GON4L: variants seen among roughly 807,000 people sequenced by gnomAD.
GON4L encodes the protein GON-4-like protein.
GON4L carries 87 observed loss-of-function variants against 211.8 expected under a neutral mutation model. That is an observed-to-expected ratio of 0.41 (90% confidence interval 0.35 to 0.49). GON4L has a LOEUF of 0.49. Ranked by LOEUF, GON4L falls within the 20% of genes least tolerant of loss-of-function variation. The pLI, the probability that GON4L is intolerant of heterozygous loss-of-function variation, is 0.15. For synonymous variants in GON4L, 875 were observed against 962.6 expected, an observed-to-expected ratio of 0.91 and a Z score of 1.68; for missense variants, 2,155 against 2,659.5, an observed-to-expected ratio of 0.81 and a Z score of 4.17.
At chr1:155,824,530 G>C (rs1669011414) in intron 3 of GON4L, among the ~76,000 whole-genome samples, 1 of 148,592 alleles carries the variant, frequency 6.7e-6, no homozygotes, top group Non-Finnish European at 1.5e-5. Context: ...GGATCATGAG[G>C]TCAGGACTTC....
At position 155,766,704 on chromosome 1, in the gene GON4L, A is replaced by G; in HGVS notation, c.2769T>C (p.Ser923=). The change falls in exon 21 of 32, where the codon AGT becomes AGC. Residue 923 remains serine, a synonymous_variant. Coordinates refer to ENST00000368331, the MANE Select transcript of GON4L (RefSeq NM_001282860.2). The part of the protein sequence containing the change: ...EHRLPFWLKA[S]LPSIQEELRH... ...GCAGTTCTTCCTGGATGGATGGCAG[A>G]CTGGCCTATTGGAAACAAGAACACT... The G allele has an allele frequency of 6.2e-7, 1 of 1,614,132 alleles. No homozygotes were observed. The highest frequency in any genetic ancestry group is 2.2e-5 in the East Asian group (1 of 44,882).
chr1:155,805,268 T>A, intron 10 of GON4L, 127 bp from the exon 11 acceptor site: 1 of 697,268 alleles, frequency 1.4e-6, no homozygotes, highest in Non-Finnish European at 2.6e-6. Context: ...TTATTATTGT[T>A]TGAGAAACTT....
intron 13 of GON4L, chr1:155,784,358 CTTTTTTTTTTTTTTTTTTTTTTTTTT>C (rs869034483): frequency 1.2e-4 from 13 of 104,096 alleles, no homozygotes; most frequent in Middle Eastern, 4.2e-3. Flanking sequence ...TCTCTCTCTC[CTTTTTTTTTTTTTTTTTTTTTTTTTT>C]TTTTTTTTTT....
At chr1:155,794,132 C>T (rs943933631) in intron 12 of GON4L, among the ~76,000 whole-genome samples, 2 of 151,856 alleles carry the variant, frequency 1.3e-5, no homozygotes, top group East Asian at 1.9e-4. Context: ...AGTGCATTGG[C>T]GTGATCTCGG....
At chr1:155,747,912 A>T (rs1391716723), downstream of GON4L, 1 of 1,561,764 alleles carries the variant, frequency 6.4e-7, no homozygotes, top group East Asian at 2.2e-5. Flanking sequence ...TGGAACTTGG[A>T]GGAGTAAACA....
chr1:155,756,456 A>C (rs1661191902), intron 27 of GON4L: 1 of 153,288 alleles, frequency 6.5e-6, no homozygotes. Context: ...GTTTTCCCAA[A>C]GGCTCTGCAT....
chr1:155,748,347 C>A, downstream of GON4L: 1 of 1,530,330 alleles, frequency 6.5e-7, no homozygotes, highest in Non-Finnish European at 9.0e-7. Flanking sequence ...TCTGCCTCCA[C>A]ACATTCTTTT....
intron 12 of GON4L, 51 bp downstream of exon 12, chr1:155,794,999 A>G: frequency 9.8e-7 from 1 of 1,021,296 alleles, no homozygotes; most frequent in Non-Finnish European, 1.6e-6. Flanking sequence ...AAGTAAACAA[A>G]GACAGCTGCA....
intron 14 of GON4L, among the ~76,000 whole-genome samples, chr1:155,778,086 T>A (rs1366050343): frequency 6.6e-6 from 1 of 152,086 alleles, no homozygotes; most frequent in Non-Finnish European, 1.5e-5. Flanking sequence ...AAAGAAAAAA[T>A]TAAAATGCTA....
At position 155,757,044 on chromosome 1, in the gene GON4L, C is replaced by T; in HGVS notation, c.5431G>A (p.Val1811Met). 6.2e-7 allele frequency: 1 copy of T among 1,613,908 alleles called. No homozygotes were observed. Among genetic ancestry groups the T allele is most frequent in the Non-Finnish European group, 8.5e-7 (1 of 1,179,816 alleles). ...TTGGGAGGCTCCTCCTCTTCTTCCA[C>T]ATCAGGCAGGGCCACTTCTTCAAAG... The part of the protein sequence containing the change: ...DGFEEVALPD[V>M]EEEEEPPKIP... The change falls in exon 27 of 32, where the codon GTG (valine) becomes ATG (methionine). Residue 1811 changes from valine (V) to methionine (M), a missense_variant. Transcript: ENST00000368331.
At chr1:155,852,200 C>A (rs1294792047) in intron 2 of GON4L, among the ~76,000 whole-genome samples, 2 of 151,674 alleles carry the variant, frequency 1.3e-5, no homozygotes, top group Non-Finnish European at 2.9e-5. Context: ...CATCTCCCAC[C>A]ACCTGTTCCA....
intron 14 of GON4L, among the ~76,000 whole-genome samples, chr1:155,781,468 A>G (rs1034903036): frequency 1.4e-4 from 21 of 150,660 alleles, no homozygotes; most frequent in African/African-American, 4.9e-4. Context: ...TATTATTATT[A>G]TTATTATTTT....
At chr1:155,803,793 G>A (rs1666902743) in intron 11 of GON4L, among the ~76,000 whole-genome samples, 1 of 152,176 alleles carries the variant, frequency 6.6e-6, no homozygotes, top group Admixed American at 6.6e-5. Context: ...GCAGGGGAGA[G>A]TCCTGAAGTG....
chr1:155,751,542 C>T (rs1660585648), intron 31 of GON4L, among the ~76,000 whole-genome samples: 1 of 152,044 alleles, frequency 6.6e-6, no homozygotes, highest in African/African-American at 2.4e-5. Flanking sequence ...AGTGAAACTG[C>T]GTCTAAAATA....
chr1:155,856,709 G>A (rs1672314812), intron 1 of GON4L, among the ~76,000 whole-genome samples: 1 of 152,012 alleles, frequency 6.6e-6, no homozygotes, highest in Non-Finnish European at 1.5e-5. Context: ...AATGGGAGTA[G>A]CCAGGGCAGC....
chr1:155,841,825 G>A (rs1294411912), intron 2 of GON4L, among the ~76,000 whole-genome samples: 1 of 151,902 alleles, frequency 6.6e-6, no homozygotes, highest in Non-Finnish European at 1.5e-5. Context: ...GTTAGGAGTT[G>A]GAGACTAACC....
chr1:155,814,733 G>A (rs1159356270), intron 8 of GON4L, among the ~76,000 whole-genome samples: 3 of 141,578 alleles, frequency 2.1e-5, no homozygotes, highest in Non-Finnish European at 3.1e-5. Flanking sequence ...GTGGCAGAGC[G>A]AGACTCTGTC....
intron 11 of GON4L, among the ~76,000 whole-genome samples, chr1:155,802,604 C>A (rs1423336079): frequency 6.6e-6 from 1 of 152,196 alleles, no homozygotes; most frequent in Non-Finnish European, 1.5e-5. Flanking sequence ...TAAAATCTTA[C>A]AACAGCATTT....
At chr1:155,812,052 GA>G (rs567718060) in intron 10 of GON4L, among the ~76,000 whole-genome samples, 1 of 148,176 alleles carries the variant, frequency 6.7e-6, no homozygotes, top group East Asian at 2.0e-4. Context: ...CTCCATCTAG[GA>G]AAAAAAAACA....
Sources: allele counts gnomAD v4.1 joint callset (sites outside exome capture counted in the v4.1 genomes callset), GRCh38; gene constraint gnomAD v4.1.1; transcripts MANE v1.5; gene names NCBI Gene and HGNC (gene_info 2026-07-23, HGNC 2026-07-21).